KIF6: variants seen among roughly 807,000 people sequenced by gnomAD.
KIF6 encodes kinesin family member 6, also known as kinesin-like protein KIF6.
In KIF6, 106 loss-of-function variants were observed where a neutral mutation model predicts 112.7. The ratio of observed to expected loss-of-function variants is 0.94; its 90% CI spans 0.80 to 1.11. KIF6 has a LOEUF of 1.11. Among genes scored for constraint, KIF6 ranks in the 50% least tolerant of loss-of-function variants. KIF6 has a pLI of 0.00. For synonymous variants in KIF6, 339 were observed against 339.9 expected (o/e 1.00, Z 0.03); for missense variants, 929 against 964.0 (o/e 0.96, Z 0.48).
In KIF6 at chr6:39,714,140, T is replaced by A. The variant is rs1789700862; in HGVS notation, c.251+552A>T. Among the ~76,000 whole-genome samples, 4 of 152,182 alleles carry A rather than the reference T, an allele frequency of 2.6e-5. No individual in the cohort carries two copies. The South Asian group carries it at 8.3e-4, about 32-fold the overall frequency. The stretch of plus-strand genomic sequence containing the variant: ...TCCTATTAATAAATTGGCATTCTGA[T>A]TTATTTGGTACCCTCATGTGAGTTT... On this transcript the variant is annotated intron_variant, in intron 3 of 22. Coordinates refer to ENST00000287152, the MANE Select transcript of KIF6 (RefSeq NM_145027.6).
intron 3 of KIF6, among the ~76,000 whole-genome samples, chr6:39,711,907 A>AAGACAG (rs1275841515): frequency 6.6e-6 from 1 of 152,200 alleles, no homozygotes; most frequent in Admixed American, 6.5e-5. Context: ...CAGAGAGAGC[A>AAGACAG]AGACAGAGAC....
At chr6:39,393,204 A>AGAGCATTTACC (rs2150326753) in intron 15 of KIF6, among the ~76,000 whole-genome samples, 1 of 152,320 alleles carries the variant, frequency 6.6e-6, no homozygotes, top group Admixed American at 6.5e-5. Context: ...AAGAAGACAA[A>AGAGCATTTACC]GAGCATTTAC....
chr6:39,692,061 T>C (rs962330495), intron 3 of KIF6, among the ~76,000 whole-genome samples: 5 of 152,188 alleles, frequency 3.3e-5, no homozygotes, highest in Non-Finnish European at 5.9e-5. Context: ...CATAGATTTC[T>C]TCACCTGAAC....
chr6:39,429,441 G>A (rs1020922971), intron 14 of KIF6, among the ~76,000 whole-genome samples: 1 of 152,132 alleles, frequency 6.6e-6, no homozygotes, highest in Non-Finnish European at 1.5e-5. Context: ...CCTCCACTGA[G>A]CTTTTATTCC....
At chr6:39,660,173 A>G (rs555363042) in intron 3 of KIF6, among the ~76,000 whole-genome samples, 1 of 152,274 alleles carries the variant, frequency 6.6e-6, no homozygotes, top group South Asian at 2.1e-4. Context: ...TTTCCAATAA[A>G]AAATGTGTTG....
At position 39,411,268 on chromosome 6, in the gene KIF6, C is replaced by T. The variant is rs530260279; in HGVS notation, c.1810+8680G>A. On this transcript the variant is annotated intron_variant, in intron 15 of 22. Coordinates refer to ENST00000287152, the MANE Select transcript of KIF6 (RefSeq NM_145027.6). ...GGAGGCCTGGAGGCAGAACGCTGGG[C>T]TCTAAGGCCACCCTGGGTCCTCTTG... Among the ~76,000 whole-genome samples, 8 of 152,300 alleles carry T rather than the reference C, an allele frequency of 5.3e-5. No homozygotes were observed. In the South Asian group the frequency reaches 1.7e-3, roughly 32 times the overall value.
chr6:39,712,978 A>C (rs1789644913), intron 3 of KIF6, among the ~76,000 whole-genome samples: 1 of 152,220 alleles, frequency 6.6e-6, no homozygotes, highest in African/African-American at 2.4e-5. Context: ...TCAGATGGTG[A>C]TATGTGCTAA....
At chr6:39,688,826 T>C (rs1422634482) in intron 3 of KIF6, among the ~76,000 whole-genome samples, 1 of 152,244 alleles carries the variant, frequency 6.6e-6, no homozygotes, top group Non-Finnish European at 1.5e-5. Context: ...GTCTGAAGGA[T>C]ATTCACTGTA....
intron 19 of KIF6, among the ~76,000 whole-genome samples, chr6:39,347,231 T>G (rs888145854): frequency 5.3e-5 from 8 of 152,218 alleles, no homozygotes; most frequent in Admixed American, 2.6e-4. Context: ...CTTCAGAACC[T>G]GTGCTCTCAG....
intron 16 of KIF6, among the ~76,000 whole-genome samples, chr6:39,363,081 G>A (rs1053658304): frequency 6.6e-6 from 1 of 152,224 alleles, no homozygotes; most frequent in Non-Finnish European, 1.5e-5. Flanking sequence ...CATGGGAGGC[G>A]GAGGTTGCAG....
At chr6:39,535,086 T>C (rs1289605031) in intron 13 of KIF6, among the ~76,000 whole-genome samples, 8 of 152,072 alleles carry the variant, frequency 5.3e-5, no homozygotes, top group East Asian at 3.8e-4. Context: ...AAGGAACAAC[T>C]GGTACCAGCC....
intron 19 of KIF6, among the ~76,000 whole-genome samples, chr6:39,352,434 CT>C (rs1178557228): frequency 6.6e-6 from 1 of 152,188 alleles, no homozygotes; most frequent in Non-Finnish European, 1.5e-5. Context: ...TCTATTCATC[CT>C]TTCCTCCCTA....
chr6:39,703,526 T>C (rs1254488749), intron 3 of KIF6, among the ~76,000 whole-genome samples: 1 of 152,166 alleles, frequency 6.6e-6, no homozygotes, highest in African/African-American at 2.4e-5. Flanking sequence ...TATAAAATAA[T>C]ATATATTCTT....
Position 39,516,894 on chromosome 6 carries a change from G to A in KIF6, c.1645+23109C>T, listed in dbSNP as rs941341143. 3.9e-5 allele frequency among the ~76,000 whole-genome samples: 6 copies of A among 152,096 alleles called. 1 individual carries two copies. Among genetic ancestry groups the A allele is most frequent in the Admixed American group, 1.3e-4 (2 of 15,262 alleles). On this transcript the variant is annotated intron_variant, in intron 13 of 22. Transcript: ENST00000287152. The stretch of plus-strand genomic sequence containing the variant: ...CTGCTCTTTCTTGACCTCTAAAATC[G>A]CAGGAGTTAACTCTCAGTTAAATGA...
chr6:39,336,994 C>T (rs1762953262), intron 22 of KIF6, among the ~76,000 whole-genome samples: 1 of 147,572 alleles, frequency 6.8e-6, no homozygotes, highest in Non-Finnish European at 1.5e-5. Flanking sequence ...CCCCTTCTTT[C>T]CTTCCTTTCT....
At chr6:39,603,098 G>A (rs1305120843) in intron 6 of KIF6, among the ~76,000 whole-genome samples, 6 of 152,278 alleles carry the variant, frequency 3.9e-5, no homozygotes, top group East Asian at 1.9e-4. Flanking sequence ...GTTCTAGTGC[G>A]TAGTGAAGTA....
chr6:39,603,620 T>G (rs1020502845), intron 6 of KIF6, among the ~76,000 whole-genome samples: 2 of 152,032 alleles, frequency 1.3e-5, no homozygotes, highest in African/African-American at 4.8e-5. Context: ...AAGAATTTTT[T>G]TCTTTTTTCT....
intron 15 of KIF6, among the ~76,000 whole-genome samples, chr6:39,414,894 A>G (rs1031007670): frequency 3.3e-5 from 5 of 150,808 alleles, no homozygotes; most frequent in Non-Finnish European, 7.4e-5. Context: ...AACTCATTGA[A>G]AAAAAAAAAT....
At chr6:39,387,292 A>G (rs962074234) in intron 15 of KIF6, among the ~76,000 whole-genome samples, 2 of 152,210 alleles carry the variant, frequency 1.3e-5, no homozygotes, top group African/African-American at 4.8e-5. Flanking sequence ...TCATTGGCAT[A>G]GGATCTTCAC....
Sources: gnomAD v4.1 joint callset for allele counts (sites outside exome capture counted in the v4.1 genomes callset) on GRCh38, gnomAD v4.1.1 for gene constraint, MANE v1.5 for transcripts, NCBI Gene and HGNC (gene_info 2026-07-23, HGNC 2026-07-21) for gene names.